Variants in UTRN observed in about 807,000 individuals in gnomAD.
The protein encoded by UTRN is utrophin, also known as dystrophin-related protein 1.
UTRN carries 283 observed loss-of-function variants against 463.9 expected under a neutral mutation model. That is an observed-to-expected ratio of 0.61 (90% confidence interval 0.55 to 0.67). UTRN has a LOEUF of 0.67. Ranked by LOEUF, UTRN falls within the 30% of genes least tolerant of loss-of-function variation. The pLI is 0.00. For missense variants in UTRN, 3,922 were observed against 4,084.3 expected (o/e 0.96, Z 1.08); for synonymous variants, 1,442 against 1,431.5 (o/e 1.01, Z -0.17).
chr6:144,692,821 AT>A (rs745807665), intron 52 of UTRN, among the ~76,000 whole-genome samples: 92 of 152,156 alleles, frequency 6.0e-4, no homozygotes, highest in Non-Finnish European at 1.1e-3. Flanking sequence ...GTTTGCAACA[AT>A]TTTTTCCCAT....
At chr6:144,469,873 G>T (rs1790338938) in intron 23 of UTRN, among the ~76,000 whole-genome samples, 1 of 151,774 alleles carries the variant, frequency 6.6e-6, no homozygotes, top group Non-Finnish European at 1.5e-5. Context: ...TTGTGTCCCT[G>T]GGTACTTGAG....
intron 61 of UTRN, among the ~76,000 whole-genome samples, chr6:144,784,827 T>A (rs531025923): frequency 6.6e-6 from 1 of 152,350 alleles, no homozygotes; most frequent in African/African-American, 2.4e-5. Flanking sequence ...TATCTTGAAA[T>A]TTCTCATTTT....
intron 69 of UTRN, 128 bp from the exon 70 acceptor site, chr6:144,835,652 A>C: frequency 8.3e-7 from 1 of 1,200,700 alleles, no homozygotes. Context: ...GAGGTCATGG[A>C]GACACTGAGC....
chr6:144,792,226 T>A (rs1387317943), intron 62 of UTRN, among the ~76,000 whole-genome samples: 1 of 152,140 alleles, frequency 6.6e-6, no homozygotes, highest in Non-Finnish European at 1.5e-5. Context: ...CTGACAGTGT[T>A]AGATCTAGCA....
intron 2 of UTRN, among the ~76,000 whole-genome samples, chr6:144,392,333 C>T (rs1782011626): frequency 6.6e-6 from 1 of 152,118 alleles, no homozygotes; most frequent in Admixed American, 6.5e-5. Context: ...TAACTAAAAT[C>T]CTCCAGCCAA....
intron 49 of UTRN, among the ~76,000 whole-genome samples, chr6:144,556,625 C>T (rs139815010): frequency 2.6e-5 from 4 of 152,310 alleles, no homozygotes; most frequent in African/African-American, 9.6e-5. Context: ...GAACCAATGC[C>T]AGTGGACAAA....
intron 65 of UTRN, among the ~76,000 whole-genome samples, chr6:144,818,692 A>T (rs1562947428): frequency 6.6e-6 from 1 of 152,228 alleles, no homozygotes; most frequent in East Asian, 1.9e-4. Flanking sequence ...CATTTCTATT[A>T]TGGAAACTTC....
chr6:144,298,406 T>G (rs1222992550), intron 2 of UTRN, among the ~76,000 whole-genome samples: 1 of 152,192 alleles, frequency 6.6e-6, no homozygotes, highest in Non-Finnish European at 1.5e-5. Context: ...ATCTTTGCAT[T>G]TGTGCCTTTA....
intron 48 of UTRN, among the ~76,000 whole-genome samples, chr6:144,552,082 G>A (rs1431484783): frequency 6.6e-6 from 1 of 152,040 alleles, no homozygotes; most frequent in African/African-American, 2.4e-5. Flanking sequence ...CTGCCCTTGG[G>A]CCTTTAACAG....
At chr6:144,566,515 G>A (rs1800416206) in intron 50 of UTRN, among the ~76,000 whole-genome samples, 1 of 152,100 alleles carries the variant, frequency 6.6e-6, no homozygotes. Flanking sequence ...AGGAGAACAG[G>A]ATTGCCTGTG....
intron 50 of UTRN, among the ~76,000 whole-genome samples, chr6:144,560,246 T>G (rs919099035): frequency 6.6e-6 from 1 of 152,172 alleles, no homozygotes; most frequent in African/African-American, 2.4e-5. Context: ...AGCCAGGCTC[T>G]TATTGTCTCT....
rs1584823359 is a variant in UTRN, at chr6:144,447,734, C to G, written c.1855C>G (p.Gln619Glu). ...CAACAGTGACTCAGAGGAACTGACT[C>G]AAAGATGGGATTCTTTGGTTCAGAG... is the stretch of plus-strand genomic sequence containing the variant. ...KINSDSEELT[Q>E]RWDSLVQRLE... is the part of the protein sequence containing the mutation. Residue 619 changes from glutamine (Q) to glutamate (E), a missense_variant, in exon 16 of 75, where the codon CAA becomes GAA. Gln to Glu is a conservative substitution (Grantham distance 29, BLOSUM62 2). This residue lies in a region of UTRN where 2,349 missense variants were observed against 2,303.8 expected (regional missense o/e 1.02). Coordinates refer to ENST00000367545, the MANE Select transcript of UTRN (RefSeq NM_007124.3). The G allele has an allele frequency of 6.2e-7, 1 of 1,613,812 alleles. No homozygotes were observed. Among genetic ancestry groups the G allele is most frequent in the Non-Finnish European group, 8.5e-7 (1 of 1,179,864 alleles).
chr6:144,505,073 G>C (rs961752217), intron 34 of UTRN, among the ~76,000 whole-genome samples: 13 of 152,054 alleles, frequency 8.5e-5, no homozygotes, highest in Admixed American at 3.3e-4. Flanking sequence ...TCTTCTGATG[G>C]TAGTTTGTAT....
intron 25 of UTRN, among the ~76,000 whole-genome samples, chr6:144,478,194 A>T (rs1205085026): frequency 6.6e-6 from 1 of 152,238 alleles, no homozygotes; most frequent in Non-Finnish European, 1.5e-5. Flanking sequence ...TATTATATTC[A>T]TGATATCCTG....
chr6:144,627,756 G>A (rs150751557), intron 51 of UTRN, among the ~76,000 whole-genome samples: 265 of 148,852 alleles, frequency 1.8e-3, no homozygotes, highest in Non-Finnish European at 2.8e-3. Context: ...TGTCCTGAAG[G>A]TTCATCCAGG....
At chr6:144,503,200 T>A (rs1794370713) in intron 34 of UTRN, among the ~76,000 whole-genome samples, 2 of 152,214 alleles carry the variant, frequency 1.3e-5, no homozygotes, top group Admixed American at 6.5e-5. Context: ...AGTCTCTAGG[T>A]TGCCTGTTCA....
At chr6:144,612,498 A>G (rs1167376892) in intron 51 of UTRN, among the ~76,000 whole-genome samples, 4 of 152,128 alleles carry the variant, frequency 2.6e-5, no homozygotes, top group Admixed American at 2.6e-4. Flanking sequence ...TAAGCACTCA[A>G]CTCAGCAAGA....
At chr6:144,834,783 C>A (rs1015042119) in intron 69 of UTRN, among the ~76,000 whole-genome samples, 2 of 152,128 alleles carry the variant, frequency 1.3e-5, no homozygotes, top group Non-Finnish European at 2.9e-5. Context: ...GTTCGCAGCC[C>A]CCATCGCTTA....
At chr6:144,366,314 A>G (rs1411513205) in intron 2 of UTRN, among the ~76,000 whole-genome samples, 1 of 152,080 alleles carries the variant, frequency 6.6e-6, no homozygotes, top group African/African-American at 2.4e-5. Context: ...AACTTGTGTA[A>G]TAGGGGTTTG....
Sources: gnomAD v4.1 joint callset for allele counts (sites outside exome capture counted in the v4.1 genomes callset) on GRCh38, gnomAD v4.1.1 for gene constraint, gnomAD v4.1.1 regional missense constraint, MANE v1.5 for transcripts, NCBI Gene and HGNC (gene_info 2026-07-23, HGNC 2026-07-21) for gene names.